The following SPON1 variants were observed in gnomAD, a reference collection of about 807,000 sequenced individuals.
The protein encoded by SPON1 is spondin-1.
Under a neutral mutation model 111.7 loss-of-function variants are expected in SPON1, and 52 were observed. The observed-to-expected ratio is 0.47, with a 90% CI of 0.37 to 0.59. The LOEUF (loss-of-function observed/expected upper bound fraction) is 0.59, where lower values mean the gene tolerates loss of function less well. Among genes scored for constraint, SPON1 ranks in the 20% least tolerant of loss-of-function variants. The pLI, the probability that SPON1 is intolerant of heterozygous loss-of-function variation, is 0.00. For synonymous variants in SPON1, 410 were observed against 395.8 expected (o/e 1.04, Z -0.43); for missense variants, 957 against 1,068.5 (o/e 0.90, Z 1.46).
Position 14,259,405 on chromosome 11 carries a change from C to A in SPON1, c.1618C>A (p.Leu540Met), listed in dbSNP as rs1554941647. Reference protein sequence around the residue: ...QFPEDGSVCTLPTEETEKCTV... With the variant: ...QFPEDGSVCTMPTEETEKCTV... ...CCCGGAGGACGGCTCCGTGTGCACGCTGCCCACTGAGGAAACGGAGAAGTG... is the reference window on the plus strand; with the variant it reads ...CCCGGAGGACGGCTCCGTGTGCACGATGCCCACTGAGGAAACGGAGAAGTG... Residue 540 changes from leucine to methionine, a missense_variant, in exon 12 of 16, where the codon CTG becomes ATG. Around this residue, in one of 5 missense-constraint regions of SPON1, gnomAD observed 549 missense variants for 606.2 expected, o/e 0.91. Coordinates refer to ENST00000576479, the MANE Select transcript of SPON1 (RefSeq NM_006108.4). The surrounding 1 kb of genome is among the most constrained non-coding windows in gnomAD (Gnocchi z 5.0). The A allele has an allele frequency of 6.2e-7, 1 of 1,611,152 alleles. No individual in the cohort carries two copies. The highest frequency in any genetic ancestry group is 2.2e-5 in the East Asian group (1 of 44,808).
intron 5 of SPON1, among the ~76,000 whole-genome samples, chr11:14,107,590 G>GAAAACAAAAAAA (rs1849194851): frequency 8.4e-6 from 1 of 119,268 alleles, no homozygotes; most frequent in Non-Finnish European, 1.8e-5. Flanking sequence ...AGATCCTCAG[G>GAAAACAAAAAAA]AAAAAAAAAA....
intron 6 of SPON1, among the ~76,000 whole-genome samples, chr11:14,138,281 G>T (rs977886845): frequency 6.6e-6 from 1 of 151,908 alleles, no homozygotes; most frequent in Non-Finnish European, 1.5e-5. Flanking sequence ...TATTCTTGGA[G>T]GTAAATTTTA....
At chr11:14,062,108 C>A (rs2133823533) in intron 3 of SPON1, among the ~76,000 whole-genome samples, 1 of 152,182 alleles carries the variant, frequency 6.6e-6, no homozygotes, top group South Asian at 2.1e-4. Flanking sequence ...GTCCATTGCT[C>A]CGGACCTACA....
intron 7 of SPON1, among the ~76,000 whole-genome samples, chr11:14,248,881 C>G (rs888342871): frequency 3.9e-5 from 6 of 152,064 alleles, no homozygotes; most frequent in Non-Finnish European, 8.8e-5. Context: ...TTGTTTAGCT[C>G]AATAAATCAA....
chr11:14,144,673 A>ATAATAAT (rs1564914879), intron 6 of SPON1, among the ~76,000 whole-genome samples: 34 of 124,970 alleles, frequency 2.7e-4, no homozygotes, highest in African/African-American at 8.8e-4. Context: ...ATAATAATGA[A>ATAATAAT]AAATAAAAAG....
intron 6 of SPON1, among the ~76,000 whole-genome samples, chr11:14,229,634 C>T (rs1848774417): frequency 6.6e-6 from 1 of 152,174 alleles, no homozygotes; most frequent in Non-Finnish European, 1.5e-5. Context: ...GGCAGTCTGT[C>T]TGGTCTACTG....
intron 2 of SPON1, among the ~76,000 whole-genome samples, chr11:14,034,732 T>A (rs1348472044): frequency 6.6e-6 from 1 of 152,142 alleles, no homozygotes; most frequent in Non-Finnish European, 1.5e-5. Flanking sequence ...TGGGTCTGAA[T>A]CCAGACAGAT....
chr11:14,209,310 G>A (rs941722902), intron 6 of SPON1, among the ~76,000 whole-genome samples: 3 of 152,026 alleles, frequency 2.0e-5, no homozygotes, highest in African/African-American at 4.8e-5. Context: ...TGTGCAGAAC[G>A]TTCAGGTTTG....
intron 1 of SPON1, among the ~76,000 whole-genome samples, chr11:13,966,213 C>T (rs1301122297): frequency 2.0e-5 from 3 of 152,174 alleles, no homozygotes; most frequent in African/African-American, 7.2e-5. Context: ...TCCCCCCTCC[C>T]TCCAACGGCA....
chr11:14,045,451 G>A (rs981677768), intron 3 of SPON1, among the ~76,000 whole-genome samples: 4 of 151,784 alleles, frequency 2.6e-5, no homozygotes, highest in South Asian at 4.2e-4. Context: ...GGTGGCATGC[G>A]CCTGTAATCC....
chr11:14,151,399 A>G (rs1360635837), intron 6 of SPON1, among the ~76,000 whole-genome samples: 12 of 152,202 alleles, frequency 7.9e-5, no homozygotes, highest in African/African-American at 2.9e-4. Flanking sequence ...GGCTGGAGAG[A>G]TGCAGAGATT....
At chr11:14,086,438 T>C (rs1365456134) in intron 5 of SPON1, among the ~76,000 whole-genome samples, 1 of 152,204 alleles carries the variant, frequency 6.6e-6, no homozygotes, top group Middle Eastern at 3.2e-3. Flanking sequence ...GTTTATGGGA[T>C]GGATTACATT....
chr11:14,128,787 A>T (rs1295829447), intron 5 of SPON1, among the ~76,000 whole-genome samples: 3 of 152,124 alleles, frequency 2.0e-5, no homozygotes, highest in African/African-American at 4.8e-5. Context: ...ATTTCCATAC[A>T]TCCTCTGAAA....
intron 2 of SPON1, among the ~76,000 whole-genome samples, chr11:13,987,990 C>T (rs1044359931): frequency 3.3e-5 from 5 of 152,116 alleles, no homozygotes; most frequent in African/African-American, 1.2e-4. Context: ...TAGCATGATG[C>T]CTCCAGCTTT....
At chr11:14,244,939 T>G in intron 7 of SPON1, among the ~76,000 whole-genome samples, 1 of 152,192 alleles carries the variant, frequency 6.6e-6, no homozygotes, top group East Asian at 1.9e-4. Flanking sequence ...CCTGGGCAGT[T>G]CCTTGAACAA....
chr11:14,256,212 G>T (rs546906625), intron 9 of SPON1, among the ~76,000 whole-genome samples: 10 of 152,078 alleles, frequency 6.6e-5, no homozygotes, highest in Non-Finnish European at 1.2e-4. Context: ...GCGCCATTGC[G>T]CTCCAGTCTG....
chr11:14,059,540 T>G (rs1848774408), intron 3 of SPON1, among the ~76,000 whole-genome samples: 1 of 151,830 alleles, frequency 6.6e-6, no homozygotes, highest in Non-Finnish European at 1.5e-5. Flanking sequence ...TGCTAGGAAC[T>G]GGGGAGGAAA....
chr11:14,175,363 A>T (rs1262160753), intron 6 of SPON1, among the ~76,000 whole-genome samples: 1 of 152,200 alleles, frequency 6.6e-6, no homozygotes, highest in Non-Finnish European at 1.5e-5. Context: ...GCTGTTAAGG[A>T]CACAAAACAA....
At chr11:14,236,915 GGT>G in intron 6 of SPON1, among the ~76,000 whole-genome samples, 1 of 152,216 alleles carries the variant, frequency 6.6e-6, no homozygotes, top group Non-Finnish European at 1.5e-5. Context: ...TCAGAGGAGA[GGT>G]GAGTCTCAGT....
Sources: gnomAD v4.1 joint callset for allele counts (sites outside exome capture counted in the v4.1 genomes callset) on GRCh38, gnomAD v4.1.1 for gene constraint, gnomAD v4.1.1 regional missense constraint, Gnocchi (gnomAD v3.1) non-coding constraint, MANE v1.5 for transcripts, NCBI Gene and HGNC (gene_info 2026-07-23, HGNC 2026-07-21) for gene names.